PKHD1: variants seen among roughly 807,000 people sequenced by gnomAD.
The protein encoded by PKHD1 is fibrocystin.
In PKHD1, 291 loss-of-function variants were observed where a neutral mutation model predicts 412.0. That is an observed-to-expected ratio of 0.71 (90% CI 0.64 to 0.78). PKHD1 has a LOEUF of 0.78. PKHD1 is among the 30% of genes least tolerant of loss of function. The probability of loss-of-function intolerance (pLI) is 0.00; values close to 1 mark genes in which losing one functional copy is unlikely to be tolerated. For missense variants in PKHD1, 4,825 were observed against 4,950.7 expected (o/e 0.97, Z 0.76); for synonymous variants, 1,777 against 1,821.5 (o/e 0.98, Z 0.62).
intron 35 of PKHD1, among the ~76,000 whole-genome samples, chr6:51,982,654 C>G (rs1256559453): frequency 1.4e-5 from 2 of 147,536 alleles, no homozygotes; most frequent in Admixed American, 1.4e-4. Context: ...TCTTAAGTAC[C>G]CAGGGACACA....
At chr6:51,911,647 A>G (rs1038362459) in intron 39 of PKHD1, 152 bp downstream of exon 39, 1 of 688,562 alleles carries the variant, frequency 1.5e-6, no homozygotes, top group Non-Finnish European at 2.6e-6. Context: ...GACAATCAAG[A>G]GCATTCTGAA....
chr6:52,070,975 A>G (rs1432319936), intron 9 of PKHD1, 31 bp downstream of exon 9: 1 of 1,367,768 alleles, frequency 7.3e-7, no homozygotes, highest in Non-Finnish European at 1.0e-6. Context: ...AATGGATAAG[A>G]CTTTAAAATT....
chr6:51,638,068 G>A (rs971560631), intron 64 of PKHD1, among the ~76,000 whole-genome samples: 2 of 152,052 alleles, frequency 1.3e-5, no homozygotes, highest in African/African-American at 4.8e-5. Flanking sequence ...TTATTTATTA[G>A]GACCCAGATA....
chr6:52,076,433 A>C (rs1372730089), intron 5 of PKHD1, 100 bp from the exon 6 acceptor site: 1 of 835,916 alleles, frequency 1.2e-6, no homozygotes, highest in African/African-American at 1.7e-5. Context: ...GAAGGTAATA[A>C]ATGCTTATAT....
intron 3 of PKHD1, 118 bp from the exon 4 acceptor site, chr6:52,082,660 T>G (rs181951699): frequency 9.9e-6 from 9 of 906,742 alleles, no homozygotes; most frequent in African/African-American, 9.8e-5. Flanking sequence ...AAGGATTAAA[T>G]TAATACTCCT....
chr6:51,641,368 C>T (rs1277332610), intron 63 of PKHD1, among the ~76,000 whole-genome samples: 1 of 152,098 alleles, frequency 6.6e-6, no homozygotes, highest in Non-Finnish European at 1.5e-5. Context: ...TCATCTCACA[C>T]CAGTTAGAAT....
intron 50 of PKHD1, among the ~76,000 whole-genome samples, chr6:51,841,645 G>T (rs1473417236): frequency 6.6e-6 from 1 of 152,184 alleles, no homozygotes; most frequent in Non-Finnish European, 1.5e-5. Context: ...GAATGCTGTG[G>T]ATTGCCTTAG....
intron 36 of PKHD1, among the ~76,000 whole-genome samples, chr6:51,948,181 T>C (rs1486969474): frequency 3.3e-5 from 5 of 152,174 alleles, no homozygotes; most frequent in African/African-American, 1.2e-4. Flanking sequence ...TTTCTGCCCT[T>C]ATCCTCTACC....
In PKHD1 at chr6:52,025,845, C is replaced by G; in HGVS notation, c.3965G>C (p.Ser1322Thr). ...NSSLSLHVGG[S>T]NLSNSVILLG... ...AAGGATGACTGAGTTGGAGAGGTTA[C>G]TTCCTCCCACATGCAGGCTCAGGCT... is the stretch of plus-strand genomic sequence containing the variant. The change falls in exon 32 of 67, where the codon AGT (serine) becomes ACT (threonine). Residue 1322 changes from serine (S) to threonine (T), a missense_variant. Physicochemically the swap from Ser to Thr is moderately conservative, Grantham distance 58. Transcript: ENST00000371117. 17 of 1,614,158 alleles carry G rather than the reference C, an allele frequency of 1.1e-5. No individual in the cohort carries two copies. Among genetic ancestry groups the G allele is most frequent in the Non-Finnish European group, 1.4e-5 (16 of 1,180,028 alleles).
intron 53 of PKHD1, among the ~76,000 whole-genome samples, chr6:51,778,015 G>C (rs913098): frequency 0.57 from 86,895 of 151,942 alleles, 25,926 homozygotes; most frequent in East Asian, 0.83. Flanking sequence ...GGTGACCTAA[G>C]AGAAGGAAAT....
intron 60 of PKHD1, among the ~76,000 whole-genome samples, chr6:51,695,451 GA>G (rs1778684665): frequency 6.6e-6 from 1 of 151,852 alleles, no homozygotes; most frequent in South Asian, 2.1e-4. Flanking sequence ...AGGAGAAGAG[GA>G]AGAAGAGGAG....
rs1409782065 is a variant in PKHD1, at chr6:51,632,664, T to C, written c.11566A>G (p.Lys3856Glu). 1.9e-6 allele frequency: 3 copies of C among 1,613,294 alleles called. No individual in the cohort carries two copies. Among genetic ancestry groups the C allele is most frequent in the Non-Finnish European group, 2.5e-6 (3 of 1,179,566 alleles). The change falls in exon 65 of 67, where the codon AAG becomes GAG. Residue 3856 changes from lysine (K) to glutamate (E), a missense_variant. Physicochemically the swap from Lys to Glu is moderately conservative, Grantham distance 56. Transcript: ENST00000371117. ...FAVLPVTRKE[K>E]STIILAASLS... ...GAAGCAGCCAGGATGATGGTCGACTTCTCCTTCCTAGTCACAGGCAAGACA... is the reference window on the plus strand; with the variant it reads ...GAAGCAGCCAGGATGATGGTCGACTCCTCCTTCCTAGTCACAGGCAAGACA...
intron 64 of PKHD1, among the ~76,000 whole-genome samples, chr6:51,634,711 A>G (rs1290581517): frequency 2.0e-5 from 3 of 152,202 alleles, no homozygotes; most frequent in Non-Finnish European, 4.4e-5. Flanking sequence ...AGGAGGAAGT[A>G]TCTGAGGGGA....
At chr6:51,832,071 A>G (rs9474103) in intron 51 of PKHD1, among the ~76,000 whole-genome samples, 58,485 of 151,902 alleles carry the variant, frequency 0.39, 12,027 homozygotes, top group African/African-American at 0.5. Context: ...CACCTTCTCT[A>G]TTAGAACTGC....
At chr6:51,915,950 A>T (rs529876342) in intron 37 of PKHD1, among the ~76,000 whole-genome samples, 1 of 152,232 alleles carries the variant, frequency 6.6e-6, no homozygotes, top group East Asian at 1.9e-4. Context: ...TAAAATTTTT[A>T]TCACTATTGA....
At chr6:51,966,366 T>C (rs1792804422) in intron 35 of PKHD1, among the ~76,000 whole-genome samples, 1 of 152,162 alleles carries the variant, frequency 6.6e-6, no homozygotes. Context: ...TCTGATTAGC[T>C]TTTACAAAGG....
chr6:51,988,127 A>C (rs1200921214), intron 35 of PKHD1, among the ~76,000 whole-genome samples: 1 of 152,200 alleles, frequency 6.6e-6, no homozygotes, highest in East Asian at 1.9e-4. Context: ...TAGTTGTTGC[A>C]TCACCATTTA....
At chr6:51,745,841 T>C (rs1306006491) in intron 59 of PKHD1, among the ~76,000 whole-genome samples, 3 of 152,112 alleles carry the variant, frequency 2.0e-5, no homozygotes, top group Non-Finnish European at 4.4e-5. Context: ...TAAGGAAAAT[T>C]GGATAGTAAA....
intron 1 of PKHD1, among the ~76,000 whole-genome samples, chr6:52,086,271 C>A (rs1287071871): frequency 1.3e-5 from 2 of 151,332 alleles, no homozygotes; most frequent in Non-Finnish European, 2.9e-5. Context: ...CCACCACACC[C>A]GGCTAATTTT....
Sources: allele counts gnomAD v4.1 joint callset (sites outside exome capture counted in the v4.1 genomes callset), GRCh38; gene constraint gnomAD v4.1.1; transcripts MANE v1.5; gene names NCBI Gene and HGNC (gene_info 2026-07-23, HGNC 2026-07-21).